Variants in RAB2A observed in about 807,000 individuals in gnomAD.
RAB2A encodes ras-related protein Rab-2A.
A neutral mutation model predicts 32.5 loss-of-function variants in RAB2A; 7 were observed. The observed-to-expected ratio is 0.22, with a 90% confidence interval of 0.12 to 0.40. RAB2A has a LOEUF of 0.40. Ranked by LOEUF, RAB2A falls within the 10% of genes least tolerant of loss-of-function variation. The probability of loss-of-function intolerance (pLI) is 1.00; values close to 1 mark genes in which losing one functional copy is unlikely to be tolerated. For missense variants in RAB2A, 108 were observed against 260.7 expected, an observed-to-expected ratio of 0.41 and a Z score of 4.03; for synonymous variants, 79 against 85.2, an observed-to-expected ratio of 0.93 and a Z score of 0.40.
At chr8:60,545,257 G>A (rs141442536) in intron 1 of RAB2A, among the ~76,000 whole-genome samples, 7 of 152,234 alleles carry the variant, frequency 4.6e-5, no homozygotes, top group East Asian at 1.9e-4. Flanking sequence ...TGGGCCCCAC[G>A]AAAGACGTGC....
In RAB2A at chr8:60,591,911, G is replaced by T; in HGVS notation, c.416G>T (p.Arg139Leu). ...VKKEEGEAFA[R>L]EHGLIFMETS... The stretch of plus-strand genomic sequence containing the variant: ...AAAGAAGAAGGTGAAGCTTTTGCAC[G>T]AGAACATGGACTCATCTTCATGGAA... The change falls in exon 6 of 8, where the codon CGA (arginine) becomes CTA (leucine). Residue 139 changes from arginine (R) to leucine (L), a missense_variant. Physicochemically the swap from Arg to Leu is moderately radical, Grantham distance 102. Around this residue, in one of 4 missense-constraint regions of RAB2A, gnomAD observed 79 missense variants for 199.8 expected, o/e 0.40. Transcript: ENST00000262646. 1 of 1,613,040 alleles carries T rather than the reference G, an allele frequency of 6.2e-7. No individual in the cohort carries two copies. The highest frequency in any genetic ancestry group is 8.5e-7 in the Non-Finnish European group (1 of 1,179,270).
At chr8:60,588,387 T>TATTC (rs1339504876) in intron 5 of RAB2A, among the ~76,000 whole-genome samples, 1 of 152,182 alleles carries the variant, frequency 6.6e-6, no homozygotes, top group African/African-American at 2.4e-5. Context: ...TATGTACAAA[T>TATTC]ATTCATACCA....
chr8:60,598,937 C>CAAAAAAAAAAAAAAAAAAA (rs56406651), intron 6 of RAB2A, among the ~76,000 whole-genome samples: 7 of 40,388 alleles, frequency 1.7e-4, no homozygotes, highest in Non-Finnish European at 3.1e-4. Flanking sequence ...TGCAGTAAAG[C>CAAAAAAAAAAAAAAAAAAA]AAAAAAAAAA....
chr8:60,557,951 A>G (rs991079028), intron 1 of RAB2A, among the ~76,000 whole-genome samples: 2 of 152,188 alleles, frequency 1.3e-5, no homozygotes, highest in Non-Finnish European at 2.9e-5. Context: ...ATATTATTTC[A>G]GTATTCAGTT....
chr8:60,591,924 C>T lies in RAB2A; in HGVS notation c.429C>T (p.Leu143=), dbSNP rs370866047. The change falls in exon 6 of 8, where the codon CTC becomes CTT. Residue 143 remains leucine (L), a synonymous_variant. Transcript: ENST00000262646. Reference sequence around the variant, plus strand: ...AAGCTTTTGCACGAGAACATGGACTCATCTTCATGGAAACGTCTGCTAAGA... The same window carrying T: ...AAGCTTTTGCACGAGAACATGGACTTATCTTCATGGAAACGTCTGCTAAGA... The part of the protein sequence containing the change: ...EGEAFAREHG[L]IFMETSAKTA... 6 of 1,612,716 alleles carry T rather than the reference C, an allele frequency of 3.7e-6. No homozygotes were observed. The African/African-American group carries it at 8.0e-5, about 22-fold the overall frequency.
rs191272223 is a variant in RAB2A at position 60,591,288 on chromosome 8, C to G, written c.363-570C>G. On this transcript the variant is annotated intron_variant, in intron 5 of 7. Coordinates refer to ENST00000262646, the MANE Select transcript of RAB2A (RefSeq NM_002865.3). ...TCTCTCTCACTCCGTTTCTCCTTTT[C>G]TGTCTCTCTCTACTCCTTCTCCCTC... 2.3e-3 allele frequency among the ~76,000 whole-genome samples: 350 copies of G among 151,822 alleles called. 2 individuals are homozygous for G. The highest frequency in any genetic ancestry group is 6.5e-3 in the South Asian group (31 of 4,806).
chr8:60,526,754 C>T (rs868407142), intron 1 of RAB2A, among the ~76,000 whole-genome samples: 10 of 151,916 alleles, frequency 6.6e-5, no homozygotes, highest in Non-Finnish European at 1.0e-4. Flanking sequence ...GGATTGCTTG[C>T]GCTGAGGAGT....
At chr8:60,564,747 A>C (rs1808078167) in intron 2 of RAB2A, among the ~76,000 whole-genome samples, 1 of 152,210 alleles carries the variant, frequency 6.6e-6, no homozygotes, top group South Asian at 2.1e-4. Context: ...CATTTTAAAC[A>C]AGTAAATATA....
intron 2 of RAB2A, among the ~76,000 whole-genome samples, chr8:60,561,815 G>T (rs888390550): frequency 2.0e-5 from 3 of 152,262 alleles, no homozygotes; most frequent in Non-Finnish European, 4.4e-5. Flanking sequence ...CAATCTGGGT[G>T]AGTAGTCATA....
At chr8:60,543,040 A>G (rs1429412840) in intron 1 of RAB2A, among the ~76,000 whole-genome samples, 1 of 152,122 alleles carries the variant, frequency 6.6e-6, no homozygotes, top group African/African-American at 2.4e-5. Context: ...ACCACTCAAT[A>G]TTTCTTGTGT....
intron 2 of RAB2A, among the ~76,000 whole-genome samples, chr8:60,565,064 G>T (rs992988870): frequency 1.3e-5 from 2 of 152,116 alleles, no homozygotes; most frequent in Admixed American, 1.3e-4. Context: ...TTAGTCTAGC[G>T]GCTAGGCCAT....
rs1807253979 is a variant in RAB2A, at chr8:60,518,704, T to TGC, written c.46+1452_46+1453insCG. Among the ~76,000 whole-genome samples the TGC allele has an allele frequency of 4.8e-5, 7 of 145,754 alleles. No homozygotes were observed. The Admixed American group carries it at 4.9e-4, about 10-fold the overall frequency. On this transcript the variant is annotated intron_variant, in intron 1 of 7. Coordinates refer to ENST00000262646, the MANE Select transcript of RAB2A (RefSeq NM_002865.3). ...CAAGGTTTTCTGATGCGTGCGTGCG[T>TGC]GTGTGTGTGTGTGGAAATTGGATTT...
chr8:60,616,373 A>G (rs1804449299), intron 6 of RAB2A, among the ~76,000 whole-genome samples: 2 of 152,216 alleles, frequency 1.3e-5, no homozygotes, highest in Non-Finnish European at 2.9e-5. Context: ...GGGGCCTTGT[A>G]GTTCTATGTA....
chr8:60,586,476 A>T (rs1248470354), intron 5 of RAB2A, among the ~76,000 whole-genome samples: 2 of 152,124 alleles, frequency 1.3e-5, no homozygotes, highest in Non-Finnish European at 2.9e-5. Flanking sequence ...AAAGACAAAC[A>T]TTAGCAATAT....
chr8:60,519,565 C>T (rs1038023199), intron 1 of RAB2A, among the ~76,000 whole-genome samples: 26 of 152,130 alleles, frequency 1.7e-4, no homozygotes, highest in Non-Finnish European at 1.8e-4. Context: ...GTGACTACTC[C>T]GTTTCTGAAT....
At chr8:60,603,021 G>A (rs1804161865) in intron 6 of RAB2A, among the ~76,000 whole-genome samples, 1 of 152,148 alleles carries the variant, frequency 6.6e-6, no homozygotes, top group Non-Finnish European at 1.5e-5. Context: ...AATAAGGCAG[G>A]TATTCTAATG....
At chr8:60,574,500 G>A (rs552718123) in intron 3 of RAB2A, among the ~76,000 whole-genome samples, 1 of 152,306 alleles carries the variant, frequency 6.6e-6, no homozygotes, top group East Asian at 1.9e-4. Context: ...AAAAGGAAAG[G>A]TTAATATAGT....
At chr8:60,547,837 C>A (rs1807766064) in intron 1 of RAB2A, among the ~76,000 whole-genome samples, 1 of 118,558 alleles carries the variant, frequency 8.4e-6, no homozygotes, top group Admixed American at 7.8e-5. Flanking sequence ...GGGGCTGACC[C>A]CCCCACCTCC....
At chr8:60,536,853 A>G (rs562110059) in intron 1 of RAB2A, among the ~76,000 whole-genome samples, 68 of 152,334 alleles carry the variant, frequency 4.5e-4, no homozygotes, top group African/African-American at 1.6e-3. Context: ...GGAAGAAAAT[A>G]TGATTCAGAA....
Sources: allele counts gnomAD v4.1 joint callset (sites outside exome capture counted in the v4.1 genomes callset), GRCh38; gene constraint gnomAD v4.1.1; regional missense constraint gnomAD v4.1.1; transcripts MANE v1.5; gene names NCBI Gene and HGNC (gene_info 2026-07-23, HGNC 2026-07-21).